The following SRGAP3 variants were observed in gnomAD, a reference collection of about 807,000 sequenced individuals.
The protein encoded by SRGAP3 is SLIT-ROBO Rho GTPase activating protein 3.
In SRGAP3, 39 loss-of-function variants were observed where a neutral mutation model predicts 121.1. That is an observed-to-expected ratio of 0.32 (90% CI 0.25 to 0.42). SRGAP3 has a LOEUF of 0.42. Among genes scored for constraint, SRGAP3 ranks in the 10% least tolerant of loss-of-function variants. The pLI, the probability that SRGAP3 is intolerant of heterozygous loss-of-function variation, is 1.00. For missense variants in SRGAP3, 1,213 were observed against 1,470.6 expected, an observed-to-expected ratio of 0.82 and a Z score of 2.86; for synonymous variants, 601 against 570.0, an observed-to-expected ratio of 1.05 and a Z score of -0.77.
chr3:9,307,436 G>A (rs1477087682), intron 3 of SRGAP3, among the ~76,000 whole-genome samples: 1 of 152,186 alleles, frequency 6.6e-6, no homozygotes, highest in African/African-American at 2.4e-5. Flanking sequence ...GGTAACCGTG[G>A]TTACACACAA....
chr3:9,123,757 T>C (rs1447019903), intron 2 of SRGAP3, among the ~76,000 whole-genome samples: 1 of 149,902 alleles, frequency 6.7e-6, no homozygotes, highest in Non-Finnish European at 1.5e-5. Context: ...TGTGTGTGTA[T>C]GTGTGTATAT....
chr3:9,294,741 T>TGTGTGTGTGTGTGTG (rs1491131145), intron 3 of SRGAP3, among the ~76,000 whole-genome samples: 103 of 146,046 alleles, frequency 7.1e-4, no homozygotes, highest in South Asian at 2.4e-3. Flanking sequence ...TGTGTGTGTG[T>TGTGTGTGTGTGTGTG]TTGGGAGGGC....
At chr3:9,241,615 C>T (rs2875427) in intron 1 of SRGAP3, among the ~76,000 whole-genome samples, 90,797 of 152,020 alleles carry the variant, frequency 0.6, 27,744 homozygotes, top group Admixed American at 0.63. Context: ...GAATAGGAAG[C>T]GTGGATGTTA....
chr3:9,177,509 G>A (rs1274289897), intron 1 of SRGAP3, among the ~76,000 whole-genome samples: 1 of 152,116 alleles, frequency 6.6e-6, no homozygotes, highest in Admixed American at 6.6e-5. Context: ...CACGGAGTCT[G>A]ACCCATGTGC....
chr3:9,358,965 A>C (rs541935264), intron 1 of SRGAP3, among the ~76,000 whole-genome samples: 1 of 152,348 alleles, frequency 6.6e-6, no homozygotes, highest in South Asian at 2.1e-4. Flanking sequence ...CCATGTACAC[A>C]GGGAGAATCA....
chr3:9,138,645 A>T (rs924965173), intron 1 of SRGAP3, among the ~76,000 whole-genome samples: 1 of 152,204 alleles, frequency 6.6e-6, no homozygotes, highest in Non-Finnish European at 1.5e-5. Context: ...GAAATCCAAA[A>T]TCCAAACTTT....
chr3:9,316,826 C>T (rs1313820679), intron 3 of SRGAP3, among the ~76,000 whole-genome samples: 2 of 152,114 alleles, frequency 1.3e-5, no homozygotes, highest in Non-Finnish European at 2.9e-5. Context: ...AATTGTTCTG[C>T]CCCCTTAACT....
chr3:9,230,870 A>AG (rs1222413043), intron 1 of SRGAP3, among the ~76,000 whole-genome samples: 1 of 118,740 alleles, frequency 8.4e-6, no homozygotes, highest in Non-Finnish European at 2.0e-5. Context: ...AAAAAAAAAA[A>AG]AGAAAAGAAA....
chr3:9,165,216 G>T (rs960413689), intron 1 of SRGAP3, among the ~76,000 whole-genome samples: 2 of 152,250 alleles, frequency 1.3e-5, no homozygotes, highest in African/African-American at 2.4e-5. Context: ...GGAAGGGAGG[G>T]TCATGCTACC....
chr3:9,219,667 G>A (rs551778252), intron 1 of SRGAP3, among the ~76,000 whole-genome samples: 6 of 152,142 alleles, frequency 3.9e-5, no homozygotes, highest in Admixed American at 2.0e-4. Context: ...TGGCTAGCAT[G>A]GTGAAACCCC....
At chr3:9,260,572 GC>G (rs1230597948) in intron 3 of SRGAP3, among the ~76,000 whole-genome samples, 1 of 152,212 alleles carries the variant, frequency 6.6e-6, no homozygotes, top group Non-Finnish European at 1.5e-5. Context: ...GCGTGGCATC[GC>G]CACTGTAGCC....
At chr3:9,044,788 T>C (rs531623403) in intron 10 of SRGAP3, among the ~76,000 whole-genome samples, 3 of 152,316 alleles carry the variant, frequency 2.0e-5, no homozygotes, top group African/African-American at 4.8e-5. Flanking sequence ...AAGGATGAAT[T>C]TGCTAAGATT....
Position 9,124,883 on chromosome 3 carries a change from A to T in SRGAP3, c.102T>A (p.Cys34Ter), listed in dbSNP as rs1283946252. 1 of 1,614,072 alleles carries T rather than the reference A, an allele frequency of 6.2e-7. No homozygotes were observed. Among genetic ancestry groups the T allele is most frequent in the Non-Finnish European group, 8.5e-7 (1 of 1,180,040 alleles). The change falls in exon 2 of 22, where the codon TGT becomes TGA. Residue 34 changes from cysteine to a stop codon, truncating the protein, a stop_gained. Coordinates refer to ENST00000383836, the MANE Select transcript of SRGAP3 (RefSeq NM_014850.4). LOFTEE classifies it high-confidence loss of function. The stretch of plus-strand genomic sequence containing the variant: ...GTCGCGACTCTGATTGCTGCTCCAG[A>T]CATTTGAACTGCTCCACCAGCTGCG... ...IRTQLVEQFK[C>*]LEQQSESRLQ... is the part of the protein sequence containing the mutation.
At chr3:9,333,260 T>C (rs1955639669) in intron 1 of SRGAP3, among the ~76,000 whole-genome samples, 1 of 152,152 alleles carries the variant, frequency 6.6e-6, no homozygotes, top group Non-Finnish European at 1.5e-5. Flanking sequence ...TGTAGTGGTG[T>C]TTAGGGTTGG....
intron 3 of SRGAP3, among the ~76,000 whole-genome samples, chr3:9,263,218 G>C (rs1447557487): frequency 6.6e-6 from 1 of 152,208 alleles, no homozygotes; most frequent in African/African-American, 2.4e-5. Context: ...AGCTAAAGCA[G>C]TGCTTAAAGG....
intron 4 of SRGAP3, chr3:9,065,297 G>A (rs781097051): frequency 6.6e-5 from 10 of 152,132 alleles, no homozygotes; most frequent in Non-Finnish European, 1.2e-4. Context: ...TTATTACAGG[G>A]GAAATTTCTG....
chr3:9,244,027 A>G (rs1230390576), intron 1 of SRGAP3, among the ~76,000 whole-genome samples: 5 of 152,164 alleles, frequency 3.3e-5, no homozygotes, highest in Admixed American at 3.3e-4. Flanking sequence ...CCACTTGGCC[A>G]CAGCCCCCAC....
intron 3 of SRGAP3, among the ~76,000 whole-genome samples, chr3:9,277,398 G>C (rs918820448): frequency 1.3e-5 from 2 of 151,732 alleles, no homozygotes; most frequent in Non-Finnish European, 2.9e-5. Context: ...TCAGGAGTTG[G>C]AGACCAGCTT....
intron 9 of SRGAP3, among the ~76,000 whole-genome samples, chr3:9,051,205 C>A (rs760878267): frequency 1.3e-5 from 2 of 151,774 alleles, no homozygotes; most frequent in Non-Finnish European, 2.9e-5. Context: ...GAAATGGAGT[C>A]GTCCTATGTT....
Sources: gnomAD v4.1 joint callset for allele counts (sites outside exome capture counted in the v4.1 genomes callset) on GRCh38, gnomAD v4.1.1 for gene constraint, MANE v1.5 for transcripts, NCBI Gene and HGNC (gene_info 2026-07-23, HGNC 2026-07-21) for gene names.